GEN1: variants seen among roughly 807,000 people sequenced by gnomAD.
The protein encoded by GEN1 is flap endonuclease GEN homolog 1.
In GEN1, 64 loss-of-function variants were observed where a neutral mutation model predicts 67.6. The observed-to-expected ratio is 0.95, with a 90% CI of 0.77 to 1.17. The LOEUF is 1.17. GEN1 is among the 50% of genes most tolerant of loss of function. The pLI, the probability that GEN1 is intolerant of heterozygous loss-of-function variation, is 0.00. For missense variants in GEN1, 1,058 were observed against 1,048.3 expected (o/e 1.01, Z -0.13); for synonymous variants, 371 against 359.4 (o/e 1.03, Z -0.37).
chr2:17,760,123 C>T lies in GEN1; in HGVS notation c.161+19C>T. ...ACCTCAGGTATAGTAAAAGCTCTTA[C>T]AGTATAAATGTATGATGTATAAACA... On this transcript the variant is annotated intron_variant, in intron 2 of 13. Transcript: ENST00000381254. 1.2e-6 allele frequency: 2 copies of T among 1,610,602 alleles called. No individual in the cohort carries two copies. Among genetic ancestry groups the T allele is most frequent in the African/African-American group, 1.3e-5 (1 of 74,878 alleles).
In GEN1 at chr2:17,785,685, G is replaced by A. The variant is rs1259456160; in HGVS notation, c.*3746G>A. ...GAGGCGGGTGGATTGCTTGAGGCCA[G>A]GAGTTCAAGACCAGCCTGGCCAACA... On this transcript the variant is annotated 3_prime_UTR_variant, in exon 14 of 14. Coordinates refer to ENST00000381254, the MANE Select transcript of GEN1 (RefSeq NM_001130009.3). 1 of 152,284 alleles carries A rather than the reference G, an allele frequency of 6.6e-6. No homozygotes were observed. The highest frequency in any genetic ancestry group is 1.9e-4 in the East Asian group (1 of 5,192). The allele number at this position is 152,284 out of a possible 1,614,324, so 9.4% of individuals were successfully genotyped here.
At position 17,780,966 on chromosome 2, in the gene GEN1, T is replaced by C. The variant is rs1408124484; in HGVS notation, c.1754T>C (p.Leu585Ser). The change falls in exon 14 of 14, where the codon TTG (leucine) becomes TCG (serine). Residue 585 changes from leucine to serine, a missense_variant. Transcript: ENST00000381254. ...HNISVIADLH[L>S]STIDWEGTSF... ...ATATCCGTGATTGCTGATCTACACTTGAGCACTATTGACTGGGAAGGTACT... is the reference window on the plus strand; with the variant it reads ...ATATCCGTGATTGCTGATCTACACTCGAGCACTATTGACTGGGAAGGTACT... The C allele has an allele frequency of 1.2e-6, 2 of 1,613,552 alleles. No individual in the cohort carries two copies. The highest frequency in any genetic ancestry group is 4.5e-5 in the East Asian group (2 of 44,860).
At chr2:17,777,901 T>C (rs1672516147) in intron 11 of GEN1, 101 bp from the exon 12 acceptor site, 4 of 649,908 alleles carry the variant, frequency 6.2e-6, no homozygotes, top group Non-Finnish European at 1.1e-5. Context: ...AAAATGTTTT[T>C]ACCTGGGAAA....
In GEN1 at chr2:17,760,036, G is replaced by A. The variant is rs769984137; in HGVS notation, c.93G>A (p.Leu31=). Residue 31 remains leucine (L), a synonymous_variant, in exon 2 of 14, where the codon CTG becomes CTA. Coordinates refer to ENST00000381254, the MANE Select transcript of GEN1 (RefSeq NM_001130009.3). ...GTGGGAAAACCATTGCAGTTGATCT[G>A]AGTCTCTGGGTGTGTGAGGCACAGA... ...NLGGKTIAVD[L]SLWVCEAQTV... The A allele has an allele frequency of 6.2e-7, 1 of 1,614,112 alleles. No homozygotes were observed. Among genetic ancestry groups the A allele is most frequent in the South Asian group, 1.1e-5 (1 of 91,068 alleles).
chr2:17,769,037 G>A (rs1222720383), intron 6 of GEN1, among the ~76,000 whole-genome samples: 2 of 149,162 alleles, frequency 1.3e-5, no homozygotes, highest in Non-Finnish European at 3.0e-5. Context: ...TTCTTTTTTT[G>A]GAGACAAGGT....
At chr2:17,762,695 G>A (rs369410212) in intron 3 of GEN1, among the ~76,000 whole-genome samples, 1 of 152,222 alleles carries the variant, frequency 6.6e-6, no homozygotes, top group East Asian at 1.9e-4. Context: ...GATTGTATAT[G>A]TTATTTACTT....
In GEN1 at chr2:17,784,090, A is replaced by C. The variant is rs1672965351; in HGVS notation, c.*2151A>C. On this transcript the variant is annotated 3_prime_UTR_variant, in exon 14 of 14. Transcript: ENST00000381254. ...TGGGAGAAAATATTTGCAAATCATA[A>C]ATGTGATAAGGGACTTGTATCTTGG... 1 of 152,208 alleles carries C rather than the reference A, an allele frequency of 6.6e-6. No homozygotes were observed. Among genetic ancestry groups the C allele is most frequent in the Non-Finnish European group, 1.5e-5 (1 of 68,028 alleles). 9.4% of individuals were successfully genotyped at this position (152,208 alleles called of 1,614,324 possible).
intron 1 of GEN1, among the ~76,000 whole-genome samples, chr2:17,758,557 AG>A (rs1671529684): frequency 6.6e-6 from 1 of 152,256 alleles, no homozygotes; most frequent in Non-Finnish European, 1.5e-5. Flanking sequence ...GTGGGGCTTC[AG>A]GATGTGAAAT....
chr2:17,777,863 T>C, intron 11 of GEN1, 139 bp from the exon 12 acceptor site: 2 of 509,062 alleles, frequency 3.9e-6, no homozygotes, highest in Non-Finnish European at 7.4e-6. Flanking sequence ...TTGAATAAAC[T>C]AGTCAAAGGA....
At chr2:17,780,183 T>C (rs1366125064) in intron 13 of GEN1, 62 bp downstream of exon 13, 1 of 1,249,102 alleles carries the variant, frequency 8.0e-7, no homozygotes, top group Admixed American at 2.0e-5. Flanking sequence ...AGCCACCTCT[T>C]CTGTTTGAAT....
At chr2:17,759,288 G>A (rs945653805) in intron 1 of GEN1, among the ~76,000 whole-genome samples, 1 of 152,214 alleles carries the variant, frequency 6.6e-6, no homozygotes, top group African/African-American at 2.4e-5. Flanking sequence ...TACCAAACCA[G>A]ATAATAGTAG....
chr2:17,773,171 T>A (rs767758927), intron 9 of GEN1, 39 bp downstream of exon 9: 1 of 1,563,512 alleles, frequency 6.4e-7, no homozygotes, highest in Admixed American at 1.7e-5. Context: ...TTTTAGAAAC[T>A]TTCTTAAAAG....
chr2:17,756,572 T>C (rs542473385), intron 1 of GEN1, among the ~76,000 whole-genome samples: 27 of 152,290 alleles, frequency 1.8e-4, no homozygotes, highest in Middle Eastern at 6.8e-3. Flanking sequence ...TACATAGTTC[T>C]TGGTGTAGTA....
At chr2:17,778,142 A>ATATATACACACACATAGATATGTGTG (rs1558408365) in intron 12 of GEN1, 79 bp downstream of exon 12, 42 of 553,898 alleles carry the variant, frequency 7.6e-5, no homozygotes, top group Non-Finnish European at 1.1e-4. Flanking sequence ...ATATGTGTAT[A>ATATATACACACACATAGATATGTGTG]TATATATATA....
At chr2:17,758,016 G>GT (rs1295955801) in intron 1 of GEN1, among the ~76,000 whole-genome samples, 1 of 152,066 alleles carries the variant, frequency 6.6e-6, no homozygotes, top group African/African-American at 2.4e-5. Flanking sequence ...AGTTGGGTCA[G>GT]TTTTTTTATT....
chr2:17,778,753 T>A (rs945883999), intron 12 of GEN1, among the ~76,000 whole-genome samples: 6 of 151,484 alleles, frequency 4.0e-5, no homozygotes, highest in Admixed American at 3.9e-4. Context: ...ATTGTTAAAA[T>A]ACTCCTGGGG....
In GEN1 at chr2:17,774,329, T is replaced by G; in HGVS notation, c.1130T>G (p.Val377Gly). 1 of 1,603,620 alleles carries G rather than the reference T, an allele frequency of 6.2e-7. No individual in the cohort carries two copies. The highest frequency in any genetic ancestry group is 8.5e-7 in the Non-Finnish European group (1 of 1,172,106). Residue 377 changes from valine to glycine, a missense_variant, in exon 11 of 14, where the codon GTA becomes GGA. By Grantham distance (109) the Val-to-Gly change is moderately radical. Coordinates refer to ENST00000381254, the MANE Select transcript of GEN1 (RefSeq NM_001130009.3). ...PNHYACEKLLVLLTHYDMIER... is the reference protein window; with the variant it reads ...PNHYACEKLLGLLTHYDMIER... ...CACTATGCATGTGAGAAATTGCTGG[T>G]ACTTTTGACCCATTATGACATGATA...
At chr2:17,778,446 A>G (rs77120201) in intron 12 of GEN1, among the ~76,000 whole-genome samples, 4,413 of 26,254 alleles carry the variant, frequency 0.17, 1,352 homozygotes, top group East Asian at 0.92. Context: ...ACACACACAT[A>G]TATGTGTGTA....
At chr2:17,759,100 C>T (rs967387185) in intron 1 of GEN1, among the ~76,000 whole-genome samples, 1 of 152,148 alleles carries the variant, frequency 6.6e-6, no homozygotes, top group African/African-American at 2.4e-5. Flanking sequence ...ATTATTGTCT[C>T]CTGCCTTGTG....
Sources: gnomAD v4.1 joint callset for allele counts (sites outside exome capture counted in the v4.1 genomes callset) on GRCh38, gnomAD v4.1.1 for gene constraint, MANE v1.5 for transcripts, NCBI Gene and HGNC (gene_info 2026-07-23, HGNC 2026-07-21) for gene names.